LMBR1: variants seen among roughly 807,000 people sequenced by gnomAD.
LMBR1 encodes the protein limb region 1 protein homolog.
In LMBR1, 52 loss-of-function variants were observed where a neutral mutation model predicts 73.9. The observed-to-expected ratio is 0.70, with a 90% CI of 0.56 to 0.89. The LOEUF (loss-of-function observed/expected upper bound fraction) is 0.89, where lower values mean the gene tolerates loss of function less well. Among genes scored for constraint, LMBR1 ranks in the 40% least tolerant of loss-of-function variants. The pLI is 0.00. For missense variants in LMBR1, 539 were observed against 579.8 expected, an observed-to-expected ratio of 0.93 and a Z score of 0.72; for synonymous variants, 215 against 209.4, an observed-to-expected ratio of 1.03 and a Z score of -0.23.
At chr7:156,837,792 T>TC (rs1176763586) in intron 1 of LMBR1, among the ~76,000 whole-genome samples, 1 of 150,958 alleles carries the variant, frequency 6.6e-6, no homozygotes, top group African/African-American at 2.4e-5. Context: ...TTTGCTTTTT[T>TC]TTTTTTTTTT....
At position 156,681,328 on chromosome 7, in the gene LMBR1, A is replaced by G; in HGVS notation, c.*2750T>C. Reference sequence around the variant, plus strand: ...AACGCGAGAGGCTCCGTCCATCTCTACTAACCAGCACCTTAGTGCAGCAAT... The same window carrying G: ...AACGCGAGAGGCTCCGTCCATCTCTGCTAACCAGCACCTTAGTGCAGCAAT... On this transcript the variant is annotated 3_prime_UTR_variant, in exon 17 of 17. Coordinates refer to ENST00000353442, the MANE Select transcript of LMBR1 (RefSeq NM_022458.4). 3.0e-6 allele frequency: 1 copy of G among 338,120 alleles called. No individual in the cohort carries two copies. The highest frequency in any genetic ancestry group is 2.4e-5 in the South Asian group (1 of 41,684). 20.9% of individuals were successfully genotyped at this position (338,120 alleles called of 1,614,324 possible).
chr7:156,796,414 G>A lies in LMBR1; in HGVS notation c.398C>T (p.Ser133Leu). The change falls in exon 5 of 17, where the codon TCA becomes TTA. Residue 133 changes from serine to leucine, a missense_variant. By Grantham distance (145) the Ser-to-Leu change is moderately radical. Around this residue, in one of 3 missense-constraint regions of LMBR1, gnomAD observed 454 missense variants for 473.4 expected, o/e 0.96. Transcript: ENST00000353442. ...CTTTTTCAGGCCAGCAAAGCCTTCTGATTCCAGAAAGAAAAAGGCAAAGGG... is the reference window on the plus strand; with the variant it reads ...CTTTTTCAGGCCAGCAAAGCCTTCTAATTCCAGAAAGAAAAAGGCAAAGGG... ...LMPFAFFFLE[S>L]EGFAGLKKGI... The A allele has an allele frequency of 3.1e-6, 5 of 1,605,318 alleles. No homozygotes were observed. The highest frequency in any genetic ancestry group is 4.2e-6 in the Non-Finnish European group (5 of 1,176,832).
intron 5 of LMBR1, among the ~76,000 whole-genome samples, chr7:156,767,785 T>G (rs1051869567): frequency 1.6e-4 from 24 of 151,936 alleles, no homozygotes; most frequent in African/African-American, 5.8e-4. Context: ...AAACCAAATA[T>G]ATCTACTATA....
At chr7:156,808,133 A>C (rs965009418) in intron 4 of LMBR1, among the ~76,000 whole-genome samples, 9 of 152,178 alleles carry the variant, frequency 5.9e-5, no homozygotes, top group African/African-American at 2.2e-4. Flanking sequence ...AAGTCAGTTG[A>C]TAGTATTATT....
rs963737717 is a variant in LMBR1, at chr7:156,669,200, G to A, written n.954C>T. On this transcript the variant is annotated non_coding_transcript_exon_variant, in exon 5 of 5. Coordinates refer to the LMBR1 transcript ENST00000430825. The surrounding 1 kb of genome is among the most constrained non-coding windows in gnomAD (Gnocchi z 4.2). ...GACACAGGTGCAAGGGCCCAGGTGT[G>A]AGCACCCAGCCGGCGTGCCTGTCTA... is the stretch of plus-strand genomic sequence containing the variant. 5.9e-5 allele frequency: 9 copies of A among 152,266 alleles called. No individual in the cohort carries two copies. The highest frequency in any genetic ancestry group is 1.9e-4 in the African/African-American group (8 of 41,432). The allele number at this position is 152,266 out of a possible 1,614,324, so 9.4% of individuals were successfully genotyped here. A position where few individuals can be genotyped will look rare whatever the true frequency, so the allele number is the denominator to read the frequency against.
At chr7:156,835,010 G>T (rs1837355692) in intron 2 of LMBR1, among the ~76,000 whole-genome samples, 1 of 151,658 alleles carries the variant, frequency 6.6e-6, no homozygotes, top group African/African-American at 2.4e-5. Context: ...TGCGGTGGCG[G>T]GCGTCTGTAA....
At chr7:156,689,051 AC>A (rs1175940031) in intron 15 of LMBR1, among the ~76,000 whole-genome samples, 5 of 152,324 alleles carry the variant, frequency 3.3e-5, no homozygotes, top group African/African-American at 1.2e-4. Context: ...ACTTAAATTC[AC>A]CTATACACAT....
At chr7:156,823,489 T>C (rs1273425762) in intron 4 of LMBR1, 1 of 152,192 alleles carries the variant, frequency 6.6e-6, no homozygotes, top group Admixed American at 6.5e-5. Flanking sequence ...CTCTAGATGC[T>C]CAACAACAGT....
chr7:156,836,922 T>C, intron 1 of LMBR1, 37 bp from the exon 2 acceptor site: 2 of 1,339,396 alleles, frequency 1.5e-6, no homozygotes, highest in South Asian at 2.7e-5. Flanking sequence ...ATTTACTTTT[T>C]TGCATATCTT....
intron 4 of LMBR1, among the ~76,000 whole-genome samples, chr7:156,809,720 T>C (rs1832761686): frequency 6.6e-6 from 1 of 152,220 alleles, no homozygotes; most frequent in Non-Finnish European, 1.5e-5. Flanking sequence ...TCATCTGGCT[T>C]GCATTGTTTC....
downstream of LMBR1, chr7:156,675,674 C>T (rs1184127088): frequency 4.0e-6 from 6 of 1,494,144 alleles, no homozygotes; most frequent in Non-Finnish European, 5.6e-6. Context: ...TGTGAGCTTA[C>T]CCGCCCCCGC....
chr7:156,672,845 T>C (rs1207828855), downstream of LMBR1, among the ~76,000 whole-genome samples: 1 of 152,248 alleles, frequency 6.6e-6, no homozygotes, highest in African/African-American at 2.4e-5. Flanking sequence ...GAATGATAAC[T>C]AATGCTGTGT....
intron 9 of LMBR1, among the ~76,000 whole-genome samples, chr7:156,734,648 T>A (rs1286005012): frequency 6.6e-6 from 1 of 152,188 alleles, no homozygotes; most frequent in African/African-American, 2.4e-5. Flanking sequence ...GAAATAAGAA[T>A]ATTAAAAATA....
rs11975186 is a variant in LMBR1 at position 156,670,676 on chromosome 7, C to T, written n.867-1389G>A. ...GGACCTGCAGATTTCCCAGTGGGAG[C>T]GGCAGAAGGTGAGATGGCATCTCCG... On this transcript the variant is annotated intron_variant and non_coding_transcript_variant, in intron 4 of 4. Coordinates refer to the LMBR1 transcript ENST00000430825. The surrounding 1 kb of genome is among the most constrained non-coding windows in gnomAD (Gnocchi z 4.3). 0.015 allele frequency among the ~76,000 whole-genome samples: 2,287 copies of T among 152,214 alleles called. 44 individuals are homozygous for T. Among genetic ancestry groups the T allele is most frequent in the African/African-American group, 0.051 (2,131 of 41,516 alleles).
chr7:156,892,656 G>A, intron 1 of LMBR1: 1 of 303,108 alleles, frequency 3.3e-6, no homozygotes, highest in South Asian at 8.6e-5. Flanking sequence ...GTCGGGGCTC[G>A]AACGGAGGGA....
intron 15 of LMBR1, among the ~76,000 whole-genome samples, chr7:156,692,855 C>T (rs191339640): frequency 3.2e-4 from 48 of 152,222 alleles, no homozygotes; most frequent in African/African-American, 1.0e-3. Context: ...GACATTAAAA[C>T]GGTTATTTTA....
intron 15 of LMBR1, among the ~76,000 whole-genome samples, chr7:156,695,148 G>A (rs868867734): frequency 3.9e-4 from 60 of 152,210 alleles, no homozygotes; most frequent in African/African-American, 1.4e-3. Flanking sequence ...AAGACTACAC[G>A]AAATTTAAAA....
At chr7:156,673,150 T>C (rs1412202256), downstream of LMBR1, among the ~76,000 whole-genome samples, 2 of 152,222 alleles carry the variant, frequency 1.3e-5, no homozygotes, top group Non-Finnish European at 1.5e-5. Context: ...TGTCCAAAAC[T>C]AATCTCAGAA....
At chr7:156,703,674 A>AG (rs1444977127) in intron 15 of LMBR1, among the ~76,000 whole-genome samples, 1 of 152,024 alleles carries the variant, frequency 6.6e-6, no homozygotes, top group African/African-American at 2.4e-5. Context: ...GCATTTTCCC[A>AG]GGGGCTTGGG....
Sources: allele counts gnomAD v4.1 joint callset (sites outside exome capture counted in the v4.1 genomes callset), GRCh38; gene constraint gnomAD v4.1.1; regional missense constraint gnomAD v4.1.1; non-coding constraint Gnocchi (gnomAD v3.1); transcripts MANE v1.5; gene names NCBI Gene and HGNC (gene_info 2026-07-23, HGNC 2026-07-21).